ACSL3: variants seen among roughly 807,000 people sequenced by gnomAD.
ACSL3 encodes fatty acid CoA ligase Acsl3.
Under a neutral mutation model 84.7 loss-of-function variants are expected in ACSL3, and 34 were observed. That is an observed-to-expected ratio of 0.40 (90% CI 0.31 to 0.53). The LOEUF is 0.53. Ranked by LOEUF, ACSL3 falls within the 20% of genes least tolerant of loss-of-function variation. The probability of loss-of-function intolerance (pLI) is 0.48; values close to 1 mark genes in which losing one functional copy is unlikely to be tolerated. For missense variants in ACSL3, 680 were observed against 873.1 expected, an observed-to-expected ratio of 0.78 and a Z score of 2.79; for synonymous variants, 315 against 299.4, an observed-to-expected ratio of 1.05 and a Z score of -0.54.
chr2:222,897,767 C>G lies in ACSL3; in HGVS notation c.-147-2907C>G. 4.9e-5 allele frequency among the ~76,000 whole-genome samples: 2 copies of G among 40,970 alleles called. 1 individual carries two copies. The highest frequency in any genetic ancestry group is 7.8e-5 in the Non-Finnish European group (2 of 25,780). The allele number at this position is 40,970 out of a possible 152,430, so 26.9% of individuals were successfully genotyped here. A position where few individuals can be genotyped will look rare whatever the true frequency, so the allele number is the denominator to read the frequency against. On this transcript the variant is annotated intron_variant, in intron 2 of 16. Transcript: ENST00000357430. ...AAACCCCGTCTCCACCAAAAAAAAACGAAAACCAGTCAGGCGTGGTGACGC... is the reference window on the plus strand; with the variant it reads ...AAACCCCGTCTCCACCAAAAAAAAAGGAAAACCAGTCAGGCGTGGTGACGC...
chr2:222,916,613 A>G, intron 5 of ACSL3, 117 bp downstream of exon 5: 1 of 1,183,876 alleles, frequency 8.4e-7, no homozygotes, highest in Non-Finnish European at 1.1e-6. Flanking sequence ...CAGTTAGTGG[A>G]GAACTCTGTT....
intron 1 of ACSL3, among the ~76,000 whole-genome samples, chr2:222,868,225 G>T (rs1000409145): frequency 2.0e-4 from 30 of 152,154 alleles, no homozygotes; most frequent in Middle Eastern, 3.4e-3. Context: ...AGTTTGGTGG[G>T]TAGGAACATG....
At chr2:222,875,197 TC>T (rs1695413908) in intron 1 of ACSL3, among the ~76,000 whole-genome samples, 1 of 152,182 alleles carries the variant, frequency 6.6e-6, no homozygotes, top group African/African-American at 2.4e-5. Flanking sequence ...AATGTCTCCT[TC>T]CAGCTCTCTG....
At chr2:222,879,035 G>T (rs1240906727) in intron 1 of ACSL3, among the ~76,000 whole-genome samples, 1 of 152,158 alleles carries the variant, frequency 6.6e-6, no homozygotes, top group Non-Finnish European at 1.5e-5. Context: ...ACACATTTAG[G>T]ACTGGGAACA....
In ACSL3 at chr2:222,943,645, A is replaced by G. The variant is rs995148967; in HGVS notation, c.*1991A>G. On this transcript the variant is annotated 3_prime_UTR_variant, in exon 17 of 17. Transcript: ENST00000357430. ...GAAGTTTATAATTCCTTTCAGTCCT[A>G]AAATGTCAGATGCCAGGTGTCAAAT... 3.0e-4 allele frequency: 45 copies of G among 152,308 alleles called. 1 individual carries two copies. The highest frequency in any genetic ancestry group is 1.6e-4 in the Non-Finnish European group (11 of 68,052). 9.4% of individuals were successfully genotyped at this position (152,308 alleles called of 1,614,324 possible).
chr2:222,926,109 G>GA (rs1374158234), intron 11 of ACSL3, among the ~76,000 whole-genome samples: 2 of 151,918 alleles, frequency 1.3e-5, no homozygotes, highest in East Asian at 3.8e-4. Flanking sequence ...GTATTCTGGG[G>GA]AAAAAACAAT....
chr2:222,889,429 C>T (rs1275538280), intron 2 of ACSL3, among the ~76,000 whole-genome samples: 4 of 152,210 alleles, frequency 2.6e-5, no homozygotes, highest in African/African-American at 9.6e-5. Flanking sequence ...TCATGAACTA[C>T]TTGGGAAACC....
intron 1 of ACSL3, among the ~76,000 whole-genome samples, chr2:222,862,916 A>C (rs1468974297): frequency 6.6e-6 from 1 of 152,196 alleles, no homozygotes; most frequent in Non-Finnish European, 1.5e-5. Context: ...GAAATGAAGA[A>C]CGCACAAATT....
intron 11 of ACSL3, 130 bp downstream of exon 11, chr2:222,924,725 A>T (rs1356942549): frequency 4.5e-6 from 5 of 1,107,982 alleles, no homozygotes; most frequent in Non-Finnish European, 4.9e-6. Context: ...AGAACTCTTT[A>T]AAAAAAATCC....
At chr2:222,905,711 T>C (rs1395302505) in intron 3 of ACSL3, among the ~76,000 whole-genome samples, 1 of 152,178 alleles carries the variant, frequency 6.6e-6, no homozygotes, top group African/African-American at 2.4e-5. Context: ...CACAATACAT[T>C]GTCAAAGAAA....
intron 4 of ACSL3, among the ~76,000 whole-genome samples, chr2:222,913,273 T>C (rs1305113424): frequency 6.6e-6 from 1 of 152,242 alleles, no homozygotes. Flanking sequence ...TCTTTCTTAA[T>C]GCCGTCTTTT....
rs78620523 is a variant in ACSL3 at position 222,890,525 on chromosome 2, T to C, written c.-148+2637T>C. On this transcript the variant is annotated intron_variant, in intron 2 of 16. Transcript: ENST00000357430. ...CATACTTTGTTCATTAGATTTACTT[T>C]TGCTAACTTTTTTTTTGTATGTTTG... Among the ~76,000 whole-genome samples, 39 of 152,322 alleles carry C rather than the reference T, an allele frequency of 2.6e-4. No homozygotes were observed. The East Asian group carries it at 7.3e-3, about 29-fold the overall frequency.
intron 1 of ACSL3, among the ~76,000 whole-genome samples, chr2:222,885,709 A>G (rs1325437242): frequency 6.6e-6 from 1 of 152,108 alleles, no homozygotes; most frequent in Non-Finnish European, 1.5e-5. Flanking sequence ...AAGAAACAGC[A>G]GGGATTTTGA....
intron 16 of ACSL3, among the ~76,000 whole-genome samples, chr2:222,940,656 A>G (rs578022233): frequency 8.5e-5 from 13 of 152,224 alleles, no homozygotes; most frequent in South Asian, 6.2e-4. Context: ...TTGTGTTACA[A>G]TTACCTATGG....
Position 222,934,412 on chromosome 2 carries a change from A to G in ACSL3, c.1848-118A>G, listed in dbSNP as rs575730166. The stretch of plus-strand genomic sequence containing the variant: ...TGAAATGGATATGCCAGTGCCAAGT[A>G]TGGCACATGCATTTTAAAAAAAATG... On this transcript the variant is annotated intron_variant, in intron 15 of 16. Coordinates refer to ENST00000357430, the MANE Select transcript of ACSL3 (RefSeq NM_004457.5). 3.1e-4 allele frequency: 230 copies of G among 749,796 alleles called. 1 individual carries two copies. In the African/African-American group the frequency reaches 3.9e-3, roughly 13 times the overall value. The allele number at this position is 749,796 out of a possible 1,614,324, so 46.4% of individuals were successfully genotyped here. A position where few individuals can be genotyped will look rare whatever the true frequency, so the allele number is the denominator to read the frequency against.
At chr2:222,878,441 T>C (rs1310690034) in intron 1 of ACSL3, among the ~76,000 whole-genome samples, 1 of 152,234 alleles carries the variant, frequency 6.6e-6, no homozygotes, top group African/African-American at 2.4e-5. Flanking sequence ...GCTTATCGCC[T>C]TCTCTGCAGC....
At chr2:222,890,473 C>A (rs887579379) in intron 2 of ACSL3, among the ~76,000 whole-genome samples, 14 of 152,058 alleles carry the variant, frequency 9.2e-5, no homozygotes, top group African/African-American at 3.4e-4. Context: ...TAAACATAAC[C>A]GGAAGAGCTG....
chr2:222,890,328 TAAAG>T (rs1695814579), intron 2 of ACSL3, among the ~76,000 whole-genome samples: 1 of 152,224 alleles, frequency 6.6e-6, no homozygotes, highest in Non-Finnish European at 1.5e-5. Context: ...TCGTTGAAAT[TAAAG>T]AAAATATATT....
At position 222,938,447 on chromosome 2, in the gene ACSL3, A is replaced by AT. The variant is rs553278961; in HGVS notation, c.2006-3042dup. ...TAGGTTACAGTATTCTTGGTTGACA[A>AT]TTTTTTTTCTTTCAGTATTTTGAAT... On this transcript the variant is annotated intron_variant, in intron 16 of 16. Transcript: ENST00000357430. 9.9e-5 allele frequency among the ~76,000 whole-genome samples: 15 copies of AT among 151,886 alleles called. No individual in the cohort carries two copies. The South Asian group carries it at 2.1e-3, about 21-fold the overall frequency.
Sources: gnomAD v4.1 joint callset for allele counts (sites outside exome capture counted in the v4.1 genomes callset) on GRCh38, gnomAD v4.1.1 for gene constraint, MANE v1.5 for transcripts, NCBI Gene and HGNC (gene_info 2026-07-23, HGNC 2026-07-21) for gene names.